RGS6: variants seen among roughly 807,000 people sequenced by gnomAD.
RGS6 encodes the protein regulator of G-protein signaling 6.
In RGS6, 30 loss-of-function variants were observed where a neutral mutation model predicts 78.5. The ratio of observed to expected loss-of-function variants is 0.38; its 90% CI spans 0.29 to 0.52. The LOEUF (loss-of-function observed/expected upper bound fraction) is 0.52, where lower values mean the gene tolerates loss of function less well. RGS6 is among the 20% of genes least tolerant of loss of function. RGS6 has a pLI of 0.85. For synonymous variants in RGS6, 206 were observed against 206.0 expected, an observed-to-expected ratio of 1.00 and a Z score of 0.00; for missense variants, 495 against 609.7, an observed-to-expected ratio of 0.81 and a Z score of 1.98.
intron 3 of RGS6, among the ~76,000 whole-genome samples, chr14:72,353,153 A>G (rs1228742517): frequency 6.6e-6 from 1 of 152,220 alleles, no homozygotes; most frequent in Non-Finnish European, 1.5e-5. Context: ...TTACACAGTT[A>G]AGCAATGCTT....
intron 2 of RGS6, among the ~76,000 whole-genome samples, chr14:72,281,615 G>A (rs2061599979): frequency 6.6e-6 from 1 of 152,182 alleles, no homozygotes; most frequent in South Asian, 2.1e-4. Flanking sequence ...TAGACTGGTT[G>A]GTGAGGGAAG....
intron 2 of RGS6, among the ~76,000 whole-genome samples, chr14:72,192,978 G>C (rs1458880201): frequency 7.2e-6 from 1 of 138,522 alleles, no homozygotes; most frequent in African/African-American, 2.7e-5. Context: ...CTGCTGGGTT[G>C]GGTTTTTTTT....
the RGS6 span, among the ~76,000 whole-genome samples, chr14:72,584,593 T>G: frequency 1.3e-5 from 2 of 152,128 alleles, no homozygotes; most frequent in South Asian, 4.1e-4. Context: ...GACAGGTTGA[T>G]GCTCAAAGGC....
intron 13 of RGS6, among the ~76,000 whole-genome samples, chr14:72,500,919 A>C (rs1163839370): frequency 1.3e-5 from 2 of 152,268 alleles, no homozygotes; most frequent in East Asian, 3.9e-4. Context: ...GCTTTTTTAA[A>C]TAGTAGGCTG....
rs867675066 is a variant in RGS6 at position 72,452,264 on chromosome 14, G to A, written c.185-2264G>A. Among the ~76,000 whole-genome samples the A allele has an allele frequency of 4.7e-5, 7 of 150,238 alleles. No individual in the cohort carries two copies. In the South Asian group the frequency reaches 8.4e-4, roughly 18 times the overall value. Reference sequence around the variant, plus strand: ...TCTCTCTCTCTCTCTCCAAGAATACGAATGAATACGAGTGTTTTTGATCTA... The same window carrying A: ...TCTCTCTCTCTCTCTCCAAGAATACAAATGAATACGAGTGTTTTTGATCTA... On this transcript the variant is annotated intron_variant, in intron 3 of 17. Transcript: ENST00000553525.
At chr14:72,572,036 C>T in the RGS6 span, among the ~76,000 whole-genome samples, 1 of 151,830 alleles carries the variant, frequency 6.6e-6, no homozygotes, top group South Asian at 2.1e-4. Flanking sequence ...CACAAATAAC[C>T]AACAAGCACA....
At chr14:72,512,212 G>T (rs1598518693) in intron 14 of RGS6, among the ~76,000 whole-genome samples, 1 of 152,152 alleles carries the variant, frequency 6.6e-6, no homozygotes. Context: ...ACCCTCTGCT[G>T]CCTGCACTCT....
In RGS6 at chr14:71,981,150, G is replaced by A. The variant is rs530498991; in HGVS notation, c.84+16275G>A. Among the ~76,000 whole-genome samples, 26 of 147,268 alleles carry A rather than the reference G, an allele frequency of 1.8e-4. No homozygotes were observed. The East Asian group carries it at 5.2e-3, about 29-fold the overall frequency. ...GCACTTCTCTGTATTGATTATTCTAGTTATACATTCTTCTAAATTTTTTTC... is the reference window on the plus strand; with the variant it reads ...GCACTTCTCTGTATTGATTATTCTAATTATACATTCTTCTAAATTTTTTTC... On this transcript the variant is annotated intron_variant, in intron 2 of 17. Transcript: ENST00000553525.
At chr14:72,312,057 A>G (rs2068753069) in intron 2 of RGS6, among the ~76,000 whole-genome samples, 1 of 152,198 alleles carries the variant, frequency 6.6e-6, no homozygotes, top group Non-Finnish European at 1.5e-5. Flanking sequence ...TGGTGCCCAT[A>G]AAAGGGCATC....
At chr14:71,954,000 TTAAG>T (rs1290875547) in intron 1 of RGS6, among the ~76,000 whole-genome samples, 1 of 92,128 alleles carries the variant, frequency 1.1e-5, no homozygotes, top group Non-Finnish European at 2.1e-5. Context: ...CTTCAACATT[TTAAG>T]TATTTCACTC....
At chr14:72,179,084 C>T (rs942438471) in intron 2 of RGS6, among the ~76,000 whole-genome samples, 1 of 152,180 alleles carries the variant, frequency 6.6e-6, no homozygotes, top group Non-Finnish European at 1.5e-5. Flanking sequence ...AGAAATCTGG[C>T]CCAAGATTTT....
intron 13 of RGS6, among the ~76,000 whole-genome samples, chr14:72,500,436 C>T (rs535524192): frequency 2.8e-4 from 43 of 152,306 alleles, no homozygotes; most frequent in African/African-American, 1.0e-3. Context: ...TGGTTTCTGT[C>T]CACAAAACGA....
At position 72,075,901 on chromosome 14, in the gene RGS6, G is replaced by A. The variant is rs146639732; in HGVS notation, c.84+111026G>A. 5.1e-4 allele frequency among the ~76,000 whole-genome samples: 77 copies of A among 152,304 alleles called. No homozygotes were observed. In the East Asian group the frequency reaches 9.3e-3, roughly 18 times the overall value. ...GTCTCTATTCGTCTGACCAAAGTCC[G>A]TGGGAAGAGCAAGATGCTGGTGATA... On this transcript the variant is annotated intron_variant, in intron 2 of 17. Transcript: ENST00000553525.
chr14:72,283,021 T>TG (rs1215221775), intron 2 of RGS6, among the ~76,000 whole-genome samples: 4 of 152,214 alleles, frequency 2.6e-5, no homozygotes, highest in African/African-American at 9.6e-5. Flanking sequence ...AGTGTGACCA[T>TG]GTAGTATTTG....
chr14:72,234,008 G>A (rs772489362), intron 2 of RGS6, among the ~76,000 whole-genome samples: 29 of 152,102 alleles, frequency 1.9e-4, no homozygotes, highest in South Asian at 1.0e-3. Flanking sequence ...TTAAGGGAAC[G>A]AACGGGCATA....
intron 2 of RGS6, among the ~76,000 whole-genome samples, chr14:72,187,744 G>T (rs895288389): frequency 6.6e-6 from 1 of 152,092 alleles, no homozygotes; most frequent in African/African-American, 2.4e-5. Context: ...CAGAATATGT[G>T]AAATGGGGGA....
At chr14:72,320,374 C>T (rs986905313) in intron 2 of RGS6, among the ~76,000 whole-genome samples, 6 of 151,856 alleles carry the variant, frequency 4.0e-5, no homozygotes, top group Non-Finnish European at 5.9e-5. Flanking sequence ...GTCGGGAGAT[C>T]GAGACCATCC....
chr14:72,199,289 CA>C (rs2040927853), intron 2 of RGS6, among the ~76,000 whole-genome samples: 1 of 152,170 alleles, frequency 6.6e-6, no homozygotes, highest in Admixed American at 6.5e-5. Context: ...CATTTTAATG[CA>C]GTCAATTGTT....
At chr14:72,399,346 G>T (rs531738605) in intron 3 of RGS6, among the ~76,000 whole-genome samples, 16 of 152,140 alleles carry the variant, frequency 1.1e-4, no homozygotes, top group African/African-American at 3.1e-4. Context: ...CTGAGACTAG[G>T]ATTGCAACCC....
Sources: gnomAD v4.1 joint callset for allele counts (sites outside exome capture counted in the v4.1 genomes callset) on GRCh38, gnomAD v4.1.1 for gene constraint, MANE v1.5 for transcripts, NCBI Gene and HGNC (gene_info 2026-07-23, HGNC 2026-07-21) for gene names.